The following TMEM132C variants were observed in gnomAD, a reference collection of about 807,000 sequenced individuals.
The protein encoded by TMEM132C is protein phosphatase 1, regulatory subunit 152.
TMEM132C carries 29 observed loss-of-function variants against 61.4 expected under a neutral mutation model. The ratio of observed to expected loss-of-function variants is 0.47; its 90% CI spans 0.35 to 0.64. The LOEUF (loss-of-function observed/expected upper bound fraction) is 0.64. Ranked by LOEUF, TMEM132C falls within the 30% of genes least tolerant of loss-of-function variation. TMEM132C has a pLI of 0.00. For synonymous variants in TMEM132C, 656 were observed against 633.1 expected, an observed-to-expected ratio of 1.04 and a Z score of -0.54; for missense variants, 1,408 against 1,476.9, an observed-to-expected ratio of 0.95 and a Z score of 0.76.
intron 1 of TMEM132C, among the ~76,000 whole-genome samples, chr12:128,287,691 C>T (rs893145889): frequency 6.6e-6 from 1 of 152,180 alleles, no homozygotes; most frequent in Non-Finnish European, 1.5e-5. Flanking sequence ...GTATCTGCCT[C>T]CTTTATTCGA....
At chr12:128,457,400 C>T (rs1327211731) in intron 2 of TMEM132C, among the ~76,000 whole-genome samples, 1 of 151,686 alleles carries the variant, frequency 6.6e-6, no homozygotes, top group African/African-American at 2.4e-5. Context: ...GGTGAAACCC[C>T]TTCTCTACTA....
chr12:128,360,894 G>T (rs1257268707), intron 1 of TMEM132C, among the ~76,000 whole-genome samples: 1 of 152,150 alleles, frequency 6.6e-6, no homozygotes, highest in Non-Finnish European at 1.5e-5. Context: ...AGCTAAAGTT[G>T]TTTCTATTTG....
chr12:128,323,849 G>A (rs2135937885), intron 1 of TMEM132C, among the ~76,000 whole-genome samples: 1 of 152,272 alleles, frequency 6.6e-6, no homozygotes, highest in African/African-American at 2.4e-5. Context: ...ACTGCACGCT[G>A]GGGAGGCGGC....
At chr12:128,375,674 A>T (rs909715382) in intron 1 of TMEM132C, among the ~76,000 whole-genome samples, 2 of 152,164 alleles carry the variant, frequency 1.3e-5, no homozygotes, top group African/African-American at 4.8e-5. Context: ...AGATCAATTC[A>T]TAAGTGCCAG....
intron 3 of TMEM132C, among the ~76,000 whole-genome samples, chr12:128,596,353 C>G (rs560873062): frequency 3.3e-5 from 5 of 150,708 alleles, no homozygotes; most frequent in Non-Finnish European, 4.4e-5. Context: ...ACTGGGCTGC[C>G]CCTTTCGCAG....
intron 1 of TMEM132C, among the ~76,000 whole-genome samples, chr12:128,341,677 T>G (rs1872981630): frequency 6.6e-6 from 1 of 152,216 alleles, no homozygotes; most frequent in African/African-American, 2.4e-5. Context: ...CTACTTCTTC[T>G]TGCTGCTGAT....
intron 6 of TMEM132C, among the ~76,000 whole-genome samples, chr12:128,695,582 G>A (rs146795590): frequency 6.6e-6 from 1 of 152,264 alleles, no homozygotes; most frequent in African/African-American, 2.4e-5. Context: ...TGTGTCCAAT[G>A]CCTACTTATG....
intron 1 of TMEM132C, among the ~76,000 whole-genome samples, chr12:128,327,334 G>T (rs1872552639): frequency 1.3e-5 from 2 of 149,566 alleles, no homozygotes; most frequent in Non-Finnish European, 2.9e-5. Context: ...CTGAGAACGT[G>T]TGCCCCAGGT....
At chr12:128,501,342 C>T (rs187262362) in intron 2 of TMEM132C, among the ~76,000 whole-genome samples, 1 of 152,306 alleles carries the variant, frequency 6.6e-6, no homozygotes, top group Non-Finnish European at 1.5e-5. Flanking sequence ...GTCATTTAAA[C>T]CTCATCATCA....
At chr12:128,441,766 G>A (rs182545596) in intron 2 of TMEM132C, among the ~76,000 whole-genome samples, 6 of 152,248 alleles carry the variant, frequency 3.9e-5, no homozygotes, top group East Asian at 1.9e-4. Flanking sequence ...AGGCCGAGGC[G>A]GGCAGATCAT....
chr12:128,453,369 C>G (rs1870239148), intron 2 of TMEM132C, among the ~76,000 whole-genome samples: 1 of 152,144 alleles, frequency 6.6e-6, no homozygotes, highest in African/African-American at 2.4e-5. Flanking sequence ...GTCTGGTCTC[C>G]CACGGGAGTG....
At chr12:128,479,987 G>C (rs1221374369) in intron 2 of TMEM132C, among the ~76,000 whole-genome samples, 1 of 152,190 alleles carries the variant, frequency 6.6e-6, no homozygotes, top group African/African-American at 2.4e-5. Flanking sequence ...CCCAGGCATG[G>C]TGGCTCATGC....
chr12:128,605,806 A>G (rs1565989170), intron 3 of TMEM132C, among the ~76,000 whole-genome samples: 1 of 152,166 alleles, frequency 6.6e-6, no homozygotes, highest in Admixed American at 6.5e-5. Context: ...TGGAGAATTT[A>G]TACTCATTGG....
intron 2 of TMEM132C, among the ~76,000 whole-genome samples, chr12:128,421,238 C>T (rs1214719500): frequency 3.9e-5 from 6 of 152,166 alleles, no homozygotes; most frequent in African/African-American, 7.2e-5. Flanking sequence ...GATATGGAAT[C>T]GACCTAAATG....
intron 2 of TMEM132C, among the ~76,000 whole-genome samples, chr12:128,424,629 T>TA (rs1322737482): frequency 6.6e-6 from 1 of 152,186 alleles, no homozygotes; most frequent in Non-Finnish European, 1.5e-5. Context: ...TCTGGGGTGA[T>TA]AAACACATGC....
chr12:128,690,659 G>T (rs1329886726), intron 5 of TMEM132C, among the ~76,000 whole-genome samples: 1 of 152,190 alleles, frequency 6.6e-6, no homozygotes, highest in African/African-American at 2.4e-5. Context: ...CCAGATCCAG[G>T]ACAGTGTTTA....
intron 3 of TMEM132C, among the ~76,000 whole-genome samples, chr12:128,555,815 G>A (rs931380440): frequency 6.6e-6 from 1 of 151,886 alleles, no homozygotes; most frequent in East Asian, 1.9e-4. Flanking sequence ...CCTGGGTTCA[G>A]GTGATCCTCC....
chr12:128,543,006 G>A (rs1459034874), intron 2 of TMEM132C, among the ~76,000 whole-genome samples: 1 of 152,152 alleles, frequency 6.6e-6, no homozygotes, highest in African/African-American at 2.4e-5. Context: ...ATGAGTAGAT[G>A]TGTGTGCTCA....
At chr12:128,463,284 G>T (rs1246889572) in intron 2 of TMEM132C, among the ~76,000 whole-genome samples, 2 of 152,008 alleles carry the variant, frequency 1.3e-5, no homozygotes, top group African/African-American at 4.8e-5. Context: ...ATCTATGATG[G>T]CAGGGATGGT....
Sources: gnomAD v4.1 joint callset for allele counts (sites outside exome capture counted in the v4.1 genomes callset) on GRCh38, gnomAD v4.1.1 for gene constraint, MANE v1.5 for transcripts, NCBI Gene and HGNC (gene_info 2026-07-23, HGNC 2026-07-21) for gene names.